The following SLC25A26 variants were observed in gnomAD, a reference collection of about 807,000 sequenced individuals.
SLC25A26 encodes solute carrier family 25 member 26, also known as mitochondrial S-adenosylmethionine carrier protein.
A neutral mutation model predicts 37.8 loss-of-function variants in SLC25A26; 36 were observed. The ratio of observed to expected loss-of-function variants is 0.95; its 90% CI spans 0.73 to 1.26. The LOEUF (loss-of-function observed/expected upper bound fraction) is 1.26, where lower values mean the gene tolerates loss of function less well. Among genes scored for constraint, SLC25A26 ranks in the 50% most tolerant of loss-of-function variants. The pLI is 0.00. For missense variants in SLC25A26, 390 were observed against 331.1 expected (o/e 1.18, Z -1.38); for synonymous variants, 129 against 122.5 (o/e 1.05, Z -0.35).
intron 1 of SLC25A26, among the ~76,000 whole-genome samples, chr3:66,145,586 TG>T (rs768399116): frequency 6.6e-6 from 1 of 152,220 alleles, no homozygotes; most frequent in Non-Finnish European, 1.5e-5. Flanking sequence ...ATATAACTTT[TG>T]TTTTTTTTTA....
chr3:66,173,862 C>T (rs1422565172), intron 1 of SLC25A26, among the ~76,000 whole-genome samples: 2 of 151,824 alleles, frequency 1.3e-5, no homozygotes, highest in East Asian at 3.9e-4. Flanking sequence ...ACCAGCCTGG[C>T]CAATATGGTG....
chr3:66,293,052 A>T (rs953849668), intron 5 of SLC25A26: 1 of 151,296 alleles, frequency 6.6e-6, no homozygotes, highest in Non-Finnish European at 1.5e-5. Context: ...TCAGTCTCTG[A>T]TATCCTTTCT....
intron 5 of SLC25A26, among the ~76,000 whole-genome samples, chr3:66,326,041 A>T (rs531698052): frequency 6.6e-6 from 1 of 152,300 alleles, no homozygotes; most frequent in South Asian, 2.1e-4. Context: ...ACAAGATAGG[A>T]TTGGCTGCTA....
At chr3:66,167,191 T>G (rs751180803) in intron 1 of SLC25A26, among the ~76,000 whole-genome samples, 1 of 152,180 alleles carries the variant, frequency 6.6e-6, no homozygotes, top group Non-Finnish European at 1.5e-5. Context: ...AAGGGTTCCA[T>G]TGTTCATAGA....
At chr3:66,305,484 C>T (rs545934338) in intron 5 of SLC25A26, among the ~76,000 whole-genome samples, 55 of 152,228 alleles carry the variant, frequency 3.6e-4, no homozygotes, top group African/African-American at 1.2e-3. Flanking sequence ...CTCCAGGATA[C>T]ATATGTAGGA....
intron 1 of SLC25A26, among the ~76,000 whole-genome samples, chr3:66,184,369 G>A (rs1264676250): frequency 6.6e-6 from 1 of 151,704 alleles, no homozygotes; most frequent in Non-Finnish European, 1.5e-5. Flanking sequence ...TCCCGACCCT[G>A]ACCCAGACCA....
intron 1 of SLC25A26, among the ~76,000 whole-genome samples, chr3:66,158,590 T>A (rs1462921585): frequency 6.6e-6 from 1 of 152,202 alleles, no homozygotes; most frequent in Non-Finnish European, 1.5e-5. Context: ...AGTTCCAATT[T>A]CTCTATAGCC....
intron 5 of SLC25A26, among the ~76,000 whole-genome samples, chr3:66,264,873 T>G (rs1219891387): frequency 6.6e-6 from 1 of 152,210 alleles, no homozygotes; most frequent in Non-Finnish European, 1.5e-5. Context: ...CACAGAGCAG[T>G]GTATCCCAGG....
intron 1 of SLC25A26, among the ~76,000 whole-genome samples, chr3:66,170,791 GTTTTTTTTTTTT>G (rs36147154): frequency 2.0e-4 from 10 of 50,904 alleles, no homozygotes; most frequent in South Asian, 1.1e-3. Flanking sequence ...TGTGATTATT[GTTTTTTTTTTTT>G]TTTTTTTTTT....
intron 1 of SLC25A26, among the ~76,000 whole-genome samples, chr3:66,177,343 A>C (rs1470929837): frequency 6.6e-6 from 1 of 152,248 alleles, no homozygotes; most frequent in East Asian, 1.9e-4. Flanking sequence ...GAAGGCTCTG[A>C]ATATAGAAAT....
At chr3:66,268,518 A>C (rs937112523) in intron 5 of SLC25A26, among the ~76,000 whole-genome samples, 4 of 152,238 alleles carry the variant, frequency 2.6e-5, no homozygotes, top group African/African-American at 9.6e-5. Flanking sequence ...TTTCCTGTGA[A>C]CTGATGATTT....
At chr3:66,216,661 A>G (rs1481301873), upstream of SLC25A26, among the ~76,000 whole-genome samples, 2 of 150,260 alleles carry the variant, frequency 1.3e-5, no homozygotes, top group Non-Finnish European at 3.0e-5. Context: ...TTTTTGAGCT[A>G]TGTCTTTGGT....
chr3:66,299,028 T>G (rs1455232954), intron 5 of SLC25A26, among the ~76,000 whole-genome samples: 1 of 152,172 alleles, frequency 6.6e-6, no homozygotes, highest in African/African-American at 2.4e-5. Context: ...TTTATTTTGT[T>G]GAAAAGGGAC....
intron 6 of SLC25A26, among the ~76,000 whole-genome samples, chr3:66,355,069 G>A (rs1230711860): frequency 6.6e-6 from 1 of 152,018 alleles, no homozygotes; most frequent in Non-Finnish European, 1.5e-5. Context: ...CCCCCAGTCA[G>A]AATAAATATC....
At chr3:66,186,758 C>A (rs2070836276) in intron 1 of SLC25A26, among the ~76,000 whole-genome samples, 1 of 151,852 alleles carries the variant, frequency 6.6e-6, no homozygotes, top group South Asian at 2.1e-4. Context: ...CTGACCCTGA[C>A]CTTCACACTG....
At chr3:66,269,545 G>A (rs1208789774) in intron 5 of SLC25A26, among the ~76,000 whole-genome samples, 1 of 152,220 alleles carries the variant, frequency 6.6e-6, no homozygotes, top group Non-Finnish European at 1.5e-5. Context: ...CCTAATGGAA[G>A]TGTGTTGGGA....
intron 1 of SLC25A26, among the ~76,000 whole-genome samples, chr3:66,209,061 TATATACAC>T (rs1454642212): frequency 0.078 from 2,093 of 26,948 alleles, 186 homozygotes; most frequent in African/African-American, 0.25. Flanking sequence ...TATATATATA[TATATACAC>T]ACACACACCC....
chr3:66,299,909 A>C (rs79385248), intron 5 of SLC25A26, among the ~76,000 whole-genome samples: 260 of 152,288 alleles, frequency 1.7e-3, no homozygotes, highest in African/African-American at 5.9e-3. Context: ...ATATTTGGCT[A>C]TCTCTGGGCA....
At chr3:66,164,067 T>C (rs904065541) in intron 1 of SLC25A26, among the ~76,000 whole-genome samples, 1 of 152,212 alleles carries the variant, frequency 6.6e-6, no homozygotes, top group Admixed American at 6.5e-5. Context: ...ATTTAAACAA[T>C]TAATACTTAA....
Sources: allele counts gnomAD v4.1 joint callset (sites outside exome capture counted in the v4.1 genomes callset), GRCh38; gene constraint gnomAD v4.1.1; transcripts MANE v1.5; gene names NCBI Gene and HGNC (gene_info 2026-07-23, HGNC 2026-07-21).